The following DSG2 variants were observed in gnomAD, a reference collection of about 807,000 sequenced individuals.
The protein encoded by DSG2 is desmoglein-2.
Under a neutral mutation model 75.6 loss-of-function variants are expected in DSG2, and 45 were observed. The ratio of observed to expected loss-of-function variants is 0.60; its 90% CI spans 0.47 to 0.76. The LOEUF (loss-of-function observed/expected upper bound fraction) is 0.76. Ranked by LOEUF, DSG2 falls within the 30% of genes least tolerant of loss-of-function variation. DSG2 has a pLI of 0.00. For synonymous variants in DSG2, 429 were observed against 483.9 expected (o/e 0.89, Z 1.49); for missense variants, 1,267 against 1,357.4 (o/e 0.93, Z 1.05).
Position 31,545,972 on chromosome 18 carries a change from T to C in DSG2, c.2586T>C (p.Ser862=), listed in dbSNP as rs78310842. 770 of 1,614,180 alleles carry C rather than the reference T, an allele frequency of 4.8e-4. 4 individuals carry two copies. In the African/African-American group the frequency reaches 8.9e-3, roughly 19 times the overall value. Residue 862 remains serine, a synonymous_variant, in exon 15 of 15, where the codon AGT becomes AGC. Coordinates refer to ENST00000261590, the MANE Select transcript of DSG2 (RefSeq NM_001943.5). The stretch of plus-strand genomic sequence containing the variant: ...GACAAAAACCTGCCACAGAAACAAG[T>C]ATGAACACAGCTTCACATTCACTCT... ...EQRQKPATET[S]MNTASHSLCE...
chr18:31,515,182 A>T (rs1568103394), intron 1 of DSG2, among the ~76,000 whole-genome samples: 1 of 152,152 alleles, frequency 6.6e-6, no homozygotes, highest in Non-Finnish European at 1.5e-5. Flanking sequence ...GGCCGACTGC[A>T]AACTCTGCCT....
chr18:31,512,803 C>A (rs2073074330), intron 1 of DSG2, among the ~76,000 whole-genome samples: 2 of 152,198 alleles, frequency 1.3e-5, no homozygotes, highest in Admixed American at 1.3e-4. Flanking sequence ...TATCCTGACC[C>A]TGCTTTAATT....
At chr18:31,507,129 A>C (rs1197772856) in intron 1 of DSG2, among the ~76,000 whole-genome samples, 1 of 84,050 alleles carries the variant, frequency 1.2e-5, no homozygotes, top group Non-Finnish European at 2.3e-5. Context: ...CCCTGTGTCC[A>C]TGTGTTCTCG....
At chr18:31,539,154 ACT>A (rs2073250883) in intron 12 of DSG2, among the ~76,000 whole-genome samples, 176 bp downstream of exon 12, 2 of 151,888 alleles carry the variant, frequency 1.3e-5, no homozygotes, top group African/African-American at 4.8e-5. Context: ...ATAATATAAG[ACT>A]CTTCAGAATT....
intron 1 of DSG2, among the ~76,000 whole-genome samples, chr18:31,508,131 A>G (rs1188372481): frequency 6.6e-6 from 1 of 152,138 alleles, no homozygotes; most frequent in African/African-American, 2.4e-5. Flanking sequence ...GTCCAGTTTC[A>G]GTTTTCTGCA....
At chr18:31,502,748 CAAAA>C (rs1368086229) in intron 1 of DSG2, among the ~76,000 whole-genome samples, 1 of 140,070 alleles carries the variant, frequency 7.1e-6, no homozygotes, top group African/African-American at 2.7e-5. Flanking sequence ...GAGACTCTGT[CAAAA>C]AAAAGAAGGA....
At chr18:31,516,660 A>G (rs2073096146) in intron 1 of DSG2, among the ~76,000 whole-genome samples, 1 of 152,244 alleles carries the variant, frequency 6.6e-6, no homozygotes, top group Non-Finnish European at 1.5e-5. Flanking sequence ...CCCCATGGAA[A>G]GAGCAGCTAT....
Position 31,545,797 on chromosome 18 carries a change from C to T in DSG2, c.2411C>T (p.Thr804Ile). Residue 804 changes from threonine (T) to isoleucine (I), a missense_variant, in exon 15 of 15, where the codon ACT becomes ATT. Transcript: ENST00000261590. ...DCLLVYSQEE[T>I]ESLNASIGCC... ...CTTCTGGTTTATTCTCAGGAAGAAA[C>T]TGAATCGCTGAATGCTTCTATTGGT... 1.2e-6 allele frequency: 2 copies of T among 1,614,140 alleles called. No individual in the cohort carries two copies. The highest frequency in any genetic ancestry group is 2.2e-5 in the South Asian group (2 of 91,080).
At chr18:31,529,414 C>T (rs1484671103) in intron 8 of DSG2, among the ~76,000 whole-genome samples, 1 of 152,108 alleles carries the variant, frequency 6.6e-6, no homozygotes, top group African/African-American at 2.4e-5. Flanking sequence ...ATATATCATG[C>T]CATCAAACAA....
chr18:31,530,676 C>A (rs2073190703), intron 8 of DSG2, among the ~76,000 whole-genome samples: 1 of 152,116 alleles, frequency 6.6e-6, no homozygotes. Flanking sequence ...GCCTTGGCTT[C>A]CCAAAGTGCT....
rs189395095 is a variant in DSG2 at position 31,506,255 on chromosome 18, A to T, written c.45+7959A>T. 4.6e-5 allele frequency among the ~76,000 whole-genome samples: 7 copies of T among 152,350 alleles called. No homozygotes were observed. The East Asian group carries it at 1.3e-3, about 29-fold the overall frequency. On this transcript the variant is annotated intron_variant, in intron 1 of 14. Coordinates refer to ENST00000261590, the MANE Select transcript of DSG2 (RefSeq NM_001943.5). Reference sequence around the variant, plus strand: ...AATTCCCCTTACAGCAGTTTGCTACAGTGAGTCATCAATAAGGTCCGAACT... The same window carrying T: ...AATTCCCCTTACAGCAGTTTGCTACTGTGAGTCATCAATAAGGTCCGAACT...
At chr18:31,544,175 G>A (rs2073288920) in intron 14 of DSG2, among the ~76,000 whole-genome samples, 1 of 152,106 alleles carries the variant, frequency 6.6e-6, no homozygotes, top group African/African-American at 2.4e-5. Flanking sequence ...AATGGATCTA[G>A]TTGATACTGA....
intron 14 of DSG2, among the ~76,000 whole-genome samples, chr18:31,545,291 CTCTG>C (rs2073297123): frequency 6.6e-6 from 1 of 152,316 alleles, no homozygotes; most frequent in African/African-American, 2.4e-5. Flanking sequence ...TTTCCATTTT[CTCTG>C]TCTCTCTCTC....
chr18:31,534,433 C>G (rs1261057520), intron 9 of DSG2, among the ~76,000 whole-genome samples: 1 of 151,696 alleles, frequency 6.6e-6, no homozygotes, highest in Non-Finnish European at 1.5e-5. Flanking sequence ...CCAGTTCTGC[C>G]TGAAAGAAAA....
Position 31,520,926 on chromosome 18 carries a change from A to C in DSG2, c.340A>C (p.Thr114Pro). ...FNKDTGELNV[T>P]SILDREETPF... Reference sequence around the variant, plus strand: ...CAAAGATACTGGAGAACTGAATGTTACCAGCATTCTTGATCGAGAAGAAAC... The same window carrying C: ...CAAAGATACTGGAGAACTGAATGTTCCCAGCATTCTTGATCGAGAAGAAAC... The change falls in exon 4 of 15, where the codon ACC becomes CCC. Residue 114 changes from threonine to proline, a missense_variant. By Grantham distance (38) the Thr-to-Pro change is conservative (BLOSUM62 -1). Transcript: ENST00000261590. The C allele has an allele frequency of 6.2e-7, 1 of 1,613,910 alleles. No individual in the cohort carries two copies. Among genetic ancestry groups the C allele is most frequent in the Non-Finnish European group, 8.5e-7 (1 of 1,179,900 alleles).
At chr18:31,507,111 G>A (rs555229963) in intron 1 of DSG2, among the ~76,000 whole-genome samples, 44 of 148,320 alleles carry the variant, frequency 3.0e-4, no homozygotes, top group African/African-American at 8.8e-4. Context: ...AGTGTGTGAC[G>A]TTCCCCTCCC....
intron 12 of DSG2, among the ~76,000 whole-genome samples, chr18:31,539,364 T>G (rs543535548): frequency 2.0e-5 from 3 of 152,198 alleles, no homozygotes; most frequent in African/African-American, 7.2e-5. Flanking sequence ...TGACTTTGGG[T>G]TATGGGCACA....
intron 8 of DSG2, among the ~76,000 whole-genome samples, chr18:31,525,393 C>T (rs913597762): frequency 6.6e-6 from 1 of 152,086 alleles, no homozygotes; most frequent in African/African-American, 2.4e-5. Flanking sequence ...GCGGCACATG[C>T]CTGTAGTCCC....
At chr18:31,513,825 A>G (rs1332249026) in intron 1 of DSG2, among the ~76,000 whole-genome samples, 2 of 152,324 alleles carry the variant, frequency 1.3e-5, no homozygotes, top group South Asian at 4.1e-4. Context: ...TCATGTGGCT[A>G]TTGCACACCA....
Sources: gnomAD v4.1 joint callset for allele counts (sites outside exome capture counted in the v4.1 genomes callset) on GRCh38, gnomAD v4.1.1 for gene constraint, MANE v1.5 for transcripts, NCBI Gene and HGNC (gene_info 2026-07-23, HGNC 2026-07-21) for gene names.